WDR64: variants seen among roughly 807,000 people sequenced by gnomAD.
WDR64 encodes the protein WD repeat domain 64.
A neutral mutation model predicts 139.3 loss-of-function variants in WDR64; 112 were observed. That is an observed-to-expected ratio of 0.80 (90% CI 0.69 to 0.94). The LOEUF is 0.94. Ranked by LOEUF, WDR64 falls within the 40% of genes least tolerant of loss-of-function variation. WDR64 has a pLI of 0.00. For synonymous variants in WDR64, 444 were observed against 437.7 expected (o/e 1.01, Z -0.18); for missense variants, 1,206 against 1,293.1 (o/e 0.93, Z 1.03).
chr1:241,722,597 G>T (rs1421356450), intron 9 of WDR64, among the ~76,000 whole-genome samples: 1 of 150,448 alleles, frequency 6.6e-6, no homozygotes, highest in African/African-American at 2.4e-5. Context: ...GCATGAGCTC[G>T]TGGCCTTTCC....
intron 2 of WDR64, 69 bp from the exon 3 acceptor site, chr1:241,671,005 T>C: frequency 4.5e-6 from 5 of 1,106,858 alleles, no homozygotes; most frequent in Non-Finnish European, 6.4e-6. Flanking sequence ...TCAGCCAACA[T>C]GAGATCTGCT....
intron 25 of WDR64, among the ~76,000 whole-genome samples, chr1:241,794,457 C>T (rs1441646395): frequency 6.6e-6 from 1 of 150,482 alleles, no homozygotes; most frequent in African/African-American, 2.4e-5. Flanking sequence ...AGTTTTAGAG[C>T]CCTTGAAATG....
chr1:241,725,157 CACAG>C (rs1393239776), intron 10 of WDR64, among the ~76,000 whole-genome samples: 1 of 152,108 alleles, frequency 6.6e-6, no homozygotes, highest in Non-Finnish European at 1.5e-5. Flanking sequence ...GGTTTAAGAA[CACAG>C]ACAGGTTTAC....
intron 14 of WDR64, among the ~76,000 whole-genome samples, chr1:241,753,601 G>T (rs1350476396): frequency 6.6e-6 from 1 of 152,130 alleles, no homozygotes. Context: ...CTACCTGGGA[G>T]ACTGAGGTGG....
rs1669904161 is a variant in WDR64, at chr1:241,749,631, G to A, written c.1679G>A (p.Cys560Tyr). ...EGKDWKEDEHCLRRLIFLKAQ... is the reference protein window; with the variant it reads ...EGKDWKEDEHYLRRLIFLKAQ... ...AAAGACTGGAAGGAGGACGAGCACTGCCTACGACGCCTCATTTTCCTCAAA... is the reference window on the plus strand; with the variant it reads ...AAAGACTGGAAGGAGGACGAGCACTACCTACGACGCCTCATTTTCCTCAAA... The change falls in exon 14 of 28, where the codon TGC becomes TAC. Residue 560 changes from cysteine (C) to tyrosine (Y), a missense_variant. Cys to Tyr is a radical substitution (Grantham distance 194, BLOSUM62 -2). Coordinates refer to ENST00000437684, the MANE Select transcript of WDR64 (RefSeq NM_001367482.1). 1.9e-6 allele frequency: 3 copies of A among 1,614,122 alleles called. No homozygotes were observed. The highest frequency in any genetic ancestry group is 2.5e-6 in the Non-Finnish European group (3 of 1,180,022).
intron 24 of WDR64, among the ~76,000 whole-genome samples, chr1:241,788,541 G>A (rs1659120136): frequency 6.6e-6 from 1 of 152,160 alleles, no homozygotes; most frequent in Non-Finnish European, 1.5e-5. Flanking sequence ...CCAGCACTAA[G>A]GGAGCCACGG....
At chr1:241,773,033 A>AT in intron 20 of WDR64, 102 bp downstream of exon 20, 3 of 1,334,344 alleles carry the variant, frequency 2.2e-6, no homozygotes, top group Non-Finnish European at 2.9e-6. Context: ...CAATTATAAT[A>AT]TTTTTTCAAC....
chr1:241,796,407 C>A, intron 27 of WDR64, 37 bp downstream of exon 27: 1 of 1,335,700 alleles, frequency 7.5e-7, no homozygotes, highest in South Asian at 1.2e-5. Context: ...ACTCCAATTT[C>A]AGTGTATCCT....
intron 8 of WDR64, among the ~76,000 whole-genome samples, chr1:241,699,701 C>T (rs1667635271): frequency 6.6e-6 from 1 of 152,004 alleles, no homozygotes; most frequent in South Asian, 2.1e-4. Flanking sequence ...TAAATAGACA[C>T]AATACAGAAG....
At chr1:241,681,691 A>T (rs1666798690) in intron 6 of WDR64, among the ~76,000 whole-genome samples, 2 of 152,152 alleles carry the variant, frequency 1.3e-5, no homozygotes, top group Non-Finnish European at 2.9e-5. Context: ...TCTTTAAGGA[A>T]TCTCCATACT....
intron 4 of WDR64, chr1:241,677,379 A>G (rs1573999587): frequency 2.5e-6 from 1 of 398,406 alleles, no homozygotes; most frequent in African/African-American, 2.1e-5. Context: ...AACTCTTCAG[A>G]TGAAAGACAG....
At position 241,696,872 on chromosome 1, in the gene WDR64, T is replaced by G. The variant is rs1049329102; in HGVS notation, c.974+9277T>G. Reference sequence around the variant, plus strand: ...TCCTGTGACTAAGAATGCCTAAGCTTCTGTAAATGTAGCCCAGCAGGACTC... The same window carrying G: ...TCCTGTGACTAAGAATGCCTAAGCTGCTGTAAATGTAGCCCAGCAGGACTC... On this transcript the variant is annotated intron_variant, in intron 8 of 27. Transcript: ENST00000437684. 4.6e-5 allele frequency among the ~76,000 whole-genome samples: 7 copies of G among 152,114 alleles called. No individual in the cohort carries two copies. The South Asian group carries it at 1.5e-3, about 32-fold the overall frequency.
chr1:241,735,536 T>C (rs1050316302), intron 10 of WDR64, among the ~76,000 whole-genome samples: 32 of 140,518 alleles, frequency 2.3e-4, no homozygotes, highest in Admixed American at 2.0e-3. Context: ...TCTCTCTCTT[T>C]TTTTTTTTTT....
intron 15 of WDR64, among the ~76,000 whole-genome samples, chr1:241,759,810 C>T (rs1168002100): frequency 2.0e-5 from 3 of 152,122 alleles, no homozygotes; most frequent in Admixed American, 6.6e-5. Context: ...CAACCTTCAT[C>T]ACCATCCATC....
At chr1:241,722,310 T>C (rs1276648074) in intron 9 of WDR64, among the ~76,000 whole-genome samples, 1 of 152,180 alleles carries the variant, frequency 6.6e-6, no homozygotes, top group East Asian at 1.9e-4. Flanking sequence ...TGACAGAATA[T>C]ATCATTGATG....
Position 241,802,441 on chromosome 1 carries a change from C to A in WDR64, c.*1226C>A, listed in dbSNP as rs1187274113. ...GAGATTTAGAAGGGGTATGAAAGAA[C>A]TTTCTGGGGTGAATGGTAATGTTAT... On this transcript the variant is annotated 3_prime_UTR_variant, in exon 28 of 28. Transcript: ENST00000437684. 6.6e-6 allele frequency among the ~76,000 whole-genome samples: 1 copy of A among 152,118 alleles called. No individual in the cohort carries two copies. The highest frequency in any genetic ancestry group is 1.9e-4 in the East Asian group (1 of 5,190).
At chr1:241,704,073 T>C (rs1667842276) in intron 8 of WDR64, among the ~76,000 whole-genome samples, 1 of 151,998 alleles carries the variant, frequency 6.6e-6, no homozygotes. Flanking sequence ...GTATCTACAT[T>C]TTATCTTGTT....
chr1:241,766,146 G>C (rs1658155479), intron 15 of WDR64, 72 bp from the exon 16 acceptor site: 1 of 1,468,798 alleles, frequency 6.8e-7, no homozygotes, highest in Non-Finnish European at 9.2e-7. Context: ...CAATTACAAA[G>C]TGTACACATG....
At chr1:241,798,842 T>G (rs1402552319) in intron 27 of WDR64, among the ~76,000 whole-genome samples, 32 of 152,122 alleles carry the variant, frequency 2.1e-4, no homozygotes, top group Admixed American at 2.1e-3. Flanking sequence ...TTTATACGTC[T>G]CTTTAGAATT....
Sources: gnomAD v4.1 joint callset for allele counts (sites outside exome capture counted in the v4.1 genomes callset) on GRCh38, gnomAD v4.1.1 for gene constraint, MANE v1.5 for transcripts, NCBI Gene and HGNC (gene_info 2026-07-23, HGNC 2026-07-21) for gene names.